RAD18: variants seen among roughly 807,000 people sequenced by gnomAD.
RAD18 encodes RAD18 E3 ubiquitin protein ligase.
RAD18 carries 47 observed loss-of-function variants against 60.4 expected under a neutral mutation model. The ratio of observed to expected loss-of-function variants is 0.78; its 90% CI spans 0.62 to 0.99. The LOEUF (loss-of-function observed/expected upper bound fraction) is 0.99. Among genes scored for constraint, RAD18 ranks in the 50% least tolerant of loss-of-function variants. RAD18 has a pLI of 0.00. For missense variants in RAD18, 640 were observed against 593.3 expected, an observed-to-expected ratio of 1.08 and a Z score of -0.82; for synonymous variants, 225 against 195.5, an observed-to-expected ratio of 1.15 and a Z score of -1.26.
At chr3:8,952,100 G>A (rs534287421) in intron 2 of RAD18, among the ~76,000 whole-genome samples, 1 of 152,132 alleles carries the variant, frequency 6.6e-6, no homozygotes. Flanking sequence ...AGGACTTTAG[G>A]GGGGATAAAA....
rs144101844 is a variant in RAD18, at chr3:8,889,355, A to G, written c.1385+1034T>C. On this transcript the variant is annotated intron_variant, in intron 12 of 12. Transcript: ENST00000264926. ...CTCACTGTAAAACAGGGATAATAGA[A>G]CATCATAATGTTATATTTAAATGAG... Among the ~76,000 whole-genome samples the G allele has an allele frequency of 2.3e-3, 352 of 152,326 alleles. 1 individual carries two copies. The highest frequency in any genetic ancestry group is 6.8e-3 in the Middle Eastern group (2 of 294).
At chr3:8,936,169 A>C in intron 6 of RAD18, 114 bp from the exon 7 acceptor site, 2 of 1,033,144 alleles carry the variant, frequency 1.9e-6, no homozygotes, top group Non-Finnish European at 2.7e-6. Flanking sequence ...TAGTAGAACC[A>C]TTAGATTAAA....
intron 9 of RAD18, among the ~76,000 whole-genome samples, chr3:8,907,004 G>C (rs1016210647): frequency 2.0e-5 from 3 of 152,132 alleles, no homozygotes; most frequent in Non-Finnish European, 4.4e-5. Flanking sequence ...AACGTATTTT[G>C]CATGCCAAAT....
At chr3:8,910,122 A>G (rs1394774186) in intron 9 of RAD18, among the ~76,000 whole-genome samples, 1 of 152,234 alleles carries the variant, frequency 6.6e-6, no homozygotes, top group Non-Finnish European at 1.5e-5. Context: ...AAGGACAAGC[A>G]TAGTAGACTG....
rs375666126 is a variant in RAD18 at position 8,881,314 on chromosome 3, G to A, written c.*43C>T. ...ATCTATCTGTGGCAACCAAAAGTAC[G>A]GTATTCTAATCAATGCATTTGAAAA... is the stretch of plus-strand genomic sequence containing the variant. On this transcript the variant is annotated 3_prime_UTR_variant, in exon 13 of 13. Transcript: ENST00000264926. 3.9e-5 allele frequency: 57 copies of A among 1,455,408 alleles called. No individual in the cohort carries two copies. Among genetic ancestry groups the A allele is most frequent in the African/African-American group, 1.8e-4 (13 of 70,618 alleles). The allele number at this position is 1,455,408 out of a possible 1,614,324, so 90.2% of individuals were successfully genotyped here. A position where few individuals can be genotyped will look rare whatever the true frequency, so the allele number is the denominator to read the frequency against.
intron 7 of RAD18, among the ~76,000 whole-genome samples, chr3:8,927,303 G>GA (rs1381393508): frequency 1.3e-5 from 2 of 152,068 alleles, no homozygotes; most frequent in African/African-American, 4.8e-5. Flanking sequence ...AAAGACACAT[G>GA]AAAAAATGCT....
At position 8,898,925 on chromosome 3, in the gene RAD18, G is replaced by T; in HGVS notation, c.1291C>A (p.Leu431Ile). Residue 431 changes from leucine (L) to isoleucine (I), a missense_variant, in exon 11 of 13, where the codon CTT becomes ATT. Coordinates refer to ENST00000264926, the MANE Select transcript of RAD18 (RefSeq NM_020165.4). The part of the protein sequence containing the change: ...SSSCIDIQEV[L>I]SSSESDSCNS... ...CATGAATCTGATTCTGATGAAGAAA[G>T]AACTTCTTGAATATCAATACAGCTA... The T allele has an allele frequency of 6.2e-7, 1 of 1,600,232 alleles. No individual in the cohort carries two copies. Among genetic ancestry groups the T allele is most frequent in the Admixed American group, 1.7e-5 (1 of 58,474 alleles).
At chr3:8,938,072 T>C (rs890568249) in intron 6 of RAD18, among the ~76,000 whole-genome samples, 2 of 152,212 alleles carry the variant, frequency 1.3e-5, no homozygotes, top group Non-Finnish European at 2.9e-5. Flanking sequence ...TCCCAACTCA[T>C]GCATTTCTAA....
chr3:8,925,667 A>G (rs2125060901), intron 7 of RAD18, among the ~76,000 whole-genome samples: 1 of 152,334 alleles, frequency 6.6e-6, no homozygotes, highest in East Asian at 1.9e-4. Context: ...CCTCAATAAA[A>G]TATTGGCAAA....
chr3:8,887,131 G>A (rs1372157821), intron 12 of RAD18, among the ~76,000 whole-genome samples: 2 of 152,174 alleles, frequency 1.3e-5, no homozygotes, highest in Admixed American at 6.5e-5. Flanking sequence ...GCTATACCTA[G>A]GAGCTTGTTA....
At chr3:8,963,115 G>A (rs1051456256) in intron 1 of RAD18, among the ~76,000 whole-genome samples, 1 of 152,182 alleles carries the variant, frequency 6.6e-6, no homozygotes, top group Admixed American at 6.5e-5. Flanking sequence ...CCATAAGACT[G>A]CCAACCTCAG....
chr3:8,947,092 G>T, intron 4 of RAD18, 128 bp downstream of exon 4: 1 of 721,840 alleles, frequency 1.4e-6, no homozygotes, highest in Non-Finnish European at 2.3e-6. Context: ...AATAATGACT[G>T]TTACTTCCCT....
intron 11 of RAD18, among the ~76,000 whole-genome samples, chr3:8,897,804 G>A (rs570160176): frequency 1.3e-5 from 2 of 152,274 alleles, no homozygotes; most frequent in East Asian, 3.9e-4. Flanking sequence ...GGTGGCTCAT[G>A]CCTGTAATTC....
In RAD18 at chr3:8,939,611, A is replaced by G. The variant is rs775002792; in HGVS notation, c.647T>C (p.Ile216Thr). ...TAAACAGCTGTCTAAATGCTTATTA[A>G]TGTGACTTTCTGGAATGTTAACCCC... ...VCGVNIPESH[I>T]NKHLDSCLSR... Residue 216 changes from isoleucine (I) to threonine (T), a missense_variant, in exon 6 of 13, where the codon ATT becomes ACT. Ile to Thr is a moderately conservative substitution (Grantham distance 89). Coordinates refer to ENST00000264926, the MANE Select transcript of RAD18 (RefSeq NM_020165.4). 1.2e-5 allele frequency: 19 copies of G among 1,613,180 alleles called. No individual in the cohort carries two copies. The South Asian group carries it at 2.0e-4, about 17-fold the overall frequency.
chr3:8,893,888 CTA>C (rs1426917069), intron 11 of RAD18, among the ~76,000 whole-genome samples: 3 of 151,916 alleles, frequency 2.0e-5, no homozygotes, highest in Non-Finnish European at 1.5e-5. Flanking sequence ...TGGCATCTCC[CTA>C]TGTTGCCCAG....
Position 8,878,144 on chromosome 3 carries a change from C to G in RAD18, c.*3213G>C, listed in dbSNP as rs935322728. On this transcript the variant is annotated 3_prime_UTR_variant, in exon 13 of 13. Transcript: ENST00000264926. Reference sequence around the variant, plus strand: ...AGGGCAGATGCTGGTAGAAGTCTGTCGGGGGGAGCAGCAACATATGCAAGC... The same window carrying G: ...AGGGCAGATGCTGGTAGAAGTCTGTGGGGGGGAGCAGCAACATATGCAAGC... 4.6e-5 allele frequency: 7 copies of G among 152,124 alleles called. No homozygotes were observed. Among genetic ancestry groups the G allele is most frequent in the Non-Finnish European group, 1.0e-4 (7 of 68,072 alleles). The allele number at this position is 152,124 out of a possible 1,614,324, so 9.4% of individuals were successfully genotyped here. A position where few individuals can be genotyped will look rare whatever the true frequency, so the allele number is the denominator to read the frequency against.
intron 9 of RAD18, among the ~76,000 whole-genome samples, chr3:8,904,656 G>C (rs958489593): frequency 2.0e-5 from 3 of 152,118 alleles, no homozygotes; most frequent in Non-Finnish European, 4.4e-5. Context: ...ACGCACTTGA[G>C]GATAATTATC....
At chr3:8,887,715 GTAGAGTC>G (rs997850893) in intron 12 of RAD18, among the ~76,000 whole-genome samples, 2 of 152,178 alleles carry the variant, frequency 1.3e-5, no homozygotes, top group African/African-American at 4.8e-5. Context: ...AGTCTTGCAA[GTAGAGTC>G]TTCAGGGAAC....
chr3:8,878,714 G>A lies in RAD18; in HGVS notation c.*2643C>T, dbSNP rs1283024824. 1 of 152,186 alleles carries A rather than the reference G, an allele frequency of 6.6e-6. No homozygotes were observed. The highest frequency in any genetic ancestry group is 1.5e-5 in the Non-Finnish European group (1 of 68,042). 9.4% of individuals were successfully genotyped at this position (152,186 alleles called of 1,614,324 possible). A position where few individuals can be genotyped will look rare whatever the true frequency, so the allele number is the denominator to read the frequency against. The stretch of plus-strand genomic sequence containing the variant: ...ATGAGGTCGAAAAAGAAAGACGAGA[G>A]TAGAGGATGAAAGGACGGCCTGGCA... On this transcript the variant is annotated 3_prime_UTR_variant, in exon 13 of 13. Transcript: ENST00000264926.
Sources: gnomAD v4.1 joint callset for allele counts (sites outside exome capture counted in the v4.1 genomes callset) on GRCh38, gnomAD v4.1.1 for gene constraint, MANE v1.5 for transcripts, NCBI Gene and HGNC (gene_info 2026-07-23, HGNC 2026-07-21) for gene names.